MAGI1: variants seen among roughly 807,000 people sequenced by gnomAD.
MAGI1 encodes the protein membrane associated guanylate kinase, WW and PDZ domain containing 1.
Under a neutral mutation model 139.9 loss-of-function variants are expected in MAGI1, and 58 were observed. The ratio of observed to expected loss-of-function variants is 0.41; its 90% CI spans 0.34 to 0.52. The LOEUF (loss-of-function observed/expected upper bound fraction) is 0.52, where lower values mean the gene tolerates loss of function less well. Ranked by LOEUF, MAGI1 falls within the 20% of genes least tolerant of loss-of-function variation. The pLI is 0.12. For missense variants in MAGI1, 1,874 were observed against 1,901.6 expected (o/e 0.99, Z 0.27); for synonymous variants, 812 against 737.9 (o/e 1.10, Z -1.63).
At chr3:65,938,292 TTA>T (rs199842342) in intron 1 of MAGI1, among the ~76,000 whole-genome samples, 3,400 of 148,444 alleles carry the variant, frequency 0.023, 61 homozygotes, top group Middle Eastern at 0.046. Context: ...AATATGAATA[TTA>T]TAATATATTA....
chr3:65,629,894 C>T (rs1411352918), intron 1 of MAGI1, among the ~76,000 whole-genome samples: 2 of 152,020 alleles, frequency 1.3e-5, no homozygotes, highest in East Asian at 3.9e-4. Flanking sequence ...GTACTTAATG[C>T]TACAGAACCA....
intron 1 of MAGI1, among the ~76,000 whole-genome samples, chr3:65,727,898 A>T (rs189159210): frequency 1.5e-4 from 23 of 152,310 alleles, no homozygotes; most frequent in African/African-American, 4.8e-4. Flanking sequence ...TAAGGATGAT[A>T]TATCAATCCG....
chr3:65,671,714 C>T (rs1475630048), intron 1 of MAGI1, among the ~76,000 whole-genome samples: 1 of 152,148 alleles, frequency 6.6e-6, no homozygotes. Flanking sequence ...ATTTCTTTAT[C>T]TAGCTACTGA....
chr3:65,504,897 C>A (rs1204775568), intron 2 of MAGI1, among the ~76,000 whole-genome samples: 1 of 152,166 alleles, frequency 6.6e-6, no homozygotes, highest in Non-Finnish European at 1.5e-5. Flanking sequence ...GGAAACCTCG[C>A]ATTCATTAAA....
chr3:65,413,620 C>T (rs1945967045), intron 12 of MAGI1, among the ~76,000 whole-genome samples: 1 of 152,158 alleles, frequency 6.6e-6, no homozygotes, highest in African/African-American at 2.4e-5. Context: ...TTGACTATGT[C>T]AATTTCTAAT....
Position 65,429,702 on chromosome 3 carries a change from C to G in MAGI1, c.1985G>C (p.Gly662Ala). The G allele has an allele frequency of 1.2e-6, 2 of 1,613,920 alleles. No homozygotes were observed. The highest frequency in any genetic ancestry group is 2.2e-5 in the East Asian group (1 of 44,818). ...CTGTTTCACTCTTTGGCCACCCCCA[C>G]CAGGACTGTCTGCGATAGTAAAACC... ...GFGFTIADSPGGGGQRVKQIV... is the reference protein window; with the variant it reads ...GFGFTIADSPAGGGQRVKQIV... Residue 662 changes from glycine (G) to alanine (A), a missense_variant, in exon 12 of 23, where the codon GGT (glycine) becomes GCT (alanine). Gly to Ala is a moderately conservative substitution (Grantham distance 60, BLOSUM62 0). Coordinates refer to ENST00000402939, the MANE Select transcript of MAGI1 (RefSeq NM_001033057.2).
intron 6 of MAGI1, chr3:65,452,992 C>T (rs1056929059): frequency 2.7e-6 from 1 of 366,016 alleles, no homozygotes; most frequent in East Asian, 4.3e-5. Flanking sequence ...AGACAGAGGA[C>T]GTATCTTCAT....
Position 65,530,838 on chromosome 3 carries a change from T to TATATATATATATACAC in MAGI1, c.431-37208_431-37207insGTGTATATATATATAT, listed in dbSNP as rs1559643305. Among the ~76,000 whole-genome samples the TATATATATATATACAC allele has an allele frequency of 2.1e-4, 20 of 94,650 alleles. No individual in the cohort carries two copies. In the East Asian group the frequency reaches 5.6e-3, roughly 26 times the overall value. The allele number at this position is 94,650 out of a possible 152,430, so 62.1% of individuals were successfully genotyped here. On this transcript the variant is annotated intron_variant, in intron 2 of 22. Coordinates refer to ENST00000402939, the MANE Select transcript of MAGI1 (RefSeq NM_001033057.2). ...ATATATACACGTATATATATATATA[T>TATATATATATATACAC]ACACACACACACACACATATATATA...
intron 21 of MAGI1, among the ~76,000 whole-genome samples, chr3:65,362,278 T>C (rs567814705): frequency 1.2e-4 from 19 of 152,330 alleles, no homozygotes; most frequent in Admixed American, 3.9e-4. Context: ...TTATACAAAG[T>C]AGCATAATAA....
chr3:65,517,248 T>C (rs1209417127), intron 2 of MAGI1, among the ~76,000 whole-genome samples: 4 of 152,154 alleles, frequency 2.6e-5, no homozygotes. Context: ...TGGCCACTCT[T>C]TCTCAAGACA....
At chr3:65,526,235 G>C (rs1002589644) in intron 2 of MAGI1, among the ~76,000 whole-genome samples, 5 of 152,096 alleles carry the variant, frequency 3.3e-5, no homozygotes, top group African/African-American at 1.2e-4. Flanking sequence ...TGAAGGTGTT[G>C]TTGACATCTT....
intron 1 of MAGI1, among the ~76,000 whole-genome samples, chr3:66,000,525 T>C (rs1268760326): frequency 6.6e-6 from 1 of 152,210 alleles, no homozygotes; most frequent in East Asian, 1.9e-4. Flanking sequence ...TGCTTCTACC[T>C]TGATTACTTA....
chr3:65,831,847 C>G (rs1024678171), intron 1 of MAGI1, among the ~76,000 whole-genome samples: 1 of 152,126 alleles, frequency 6.6e-6, no homozygotes, highest in Non-Finnish European at 1.5e-5. Flanking sequence ...TTTAAAAAGG[C>G]AAATCTGAAA....
chr3:65,656,401 T>C (rs1242003343), intron 1 of MAGI1, among the ~76,000 whole-genome samples: 2 of 152,226 alleles, frequency 1.3e-5, no homozygotes, highest in African/African-American at 4.8e-5. Context: ...GTTTTCAAAG[T>C]GTCTCAGATT....
intron 1 of MAGI1, chr3:65,687,983 G>A (rs2088209251): frequency 3.7e-6 from 3 of 816,926 alleles, no homozygotes; most frequent in Middle Eastern, 4.7e-4. Flanking sequence ...TCAGACTACT[G>A]AAGGACTTGA....
intron 5 of MAGI1, among the ~76,000 whole-genome samples, chr3:65,469,389 G>T (rs183197133): frequency 2.6e-5 from 4 of 151,750 alleles, no homozygotes; most frequent in African/African-American, 9.7e-5. Context: ...TCAATGATAG[G>T]ATAATAAAGT....
chr3:65,951,623 C>CT (rs2063867446), intron 1 of MAGI1, among the ~76,000 whole-genome samples: 1 of 152,064 alleles, frequency 6.6e-6, no homozygotes, highest in Non-Finnish European at 1.5e-5. Flanking sequence ...AATTTCACTT[C>CT]TTTTTTACTC....
At chr3:65,987,023 A>C (rs2065915961) in intron 1 of MAGI1, among the ~76,000 whole-genome samples, 1 of 152,096 alleles carries the variant, frequency 6.6e-6, no homozygotes, top group Non-Finnish European at 1.5e-5. Flanking sequence ...GGTATACGCC[A>C]CCATGTTCGG....
Position 65,429,495 on chromosome 3 carries a change from CAAAGAACA to C in MAGI1, c.2167+17_2167+24del. ...ATGAATTTGGGATAAAAAAAAAATT[CAAAGAACA>C]AAACAACCCTACTTACCTCCTCGTT... On this transcript the variant is annotated intron_variant, in intron 12 of 22. Coordinates refer to ENST00000402939, the MANE Select transcript of MAGI1 (RefSeq NM_001033057.2). 6.5e-7 allele frequency: 1 copy of C among 1,548,784 alleles called. No individual in the cohort carries two copies. Among genetic ancestry groups the C allele is most frequent in the South Asian group, 1.2e-5 (1 of 80,648 alleles).
Sources: allele counts gnomAD v4.1 joint callset (sites outside exome capture counted in the v4.1 genomes callset), GRCh38; gene constraint gnomAD v4.1.1; transcripts MANE v1.5; gene names NCBI Gene and HGNC (gene_info 2026-07-23, HGNC 2026-07-21).